Variants in IMMP2L observed in about 807,000 individuals in gnomAD.
IMMP2L encodes the protein inner mitochondrial membrane peptidase subunit 2, also known as mitochondrial inner membrane protease subunit 2.
Under a neutral mutation model 19.3 loss-of-function variants are expected in IMMP2L, and 18 were observed. The ratio of observed to expected loss-of-function variants is 0.93; its 90% CI spans 0.64 to 1.38. IMMP2L has a LOEUF of 1.38. Ranked by LOEUF, IMMP2L falls within the 40% of genes most tolerant of loss-of-function variation. IMMP2L has a pLI of 0.00. For synonymous variants in IMMP2L, 76 were observed against 73.0 expected, an observed-to-expected ratio of 1.04 and a Z score of -0.21; for missense variants, 233 against 218.2, an observed-to-expected ratio of 1.07 and a Z score of -0.43.
intron 4 of IMMP2L, among the ~76,000 whole-genome samples, chr7:110,960,952 T>C (rs182092128): frequency 3.8e-4 from 57 of 151,920 alleles, no homozygotes; most frequent in African/African-American, 1.4e-3. Context: ...ATCACTAGCC[T>C]TCAGAGAAAT....
chr7:110,670,400 C>T (rs757311275), intron 5 of IMMP2L, among the ~76,000 whole-genome samples: 46 of 152,174 alleles, frequency 3.0e-4, no homozygotes, highest in African/African-American at 9.6e-4. Flanking sequence ...ATTTAAAAAA[C>T]GCTACGCAGC....
At chr7:110,886,038 G>T (rs1053009106) in intron 5 of IMMP2L, among the ~76,000 whole-genome samples, 1 of 151,816 alleles carries the variant, frequency 6.6e-6, no homozygotes, top group Non-Finnish European at 1.5e-5. Context: ...CTTTATGAGG[G>T]CTCCTGCGCC....
intron 1 of IMMP2L, among the ~76,000 whole-genome samples, chr7:111,556,946 A>G (rs1220550134): frequency 6.6e-6 from 1 of 152,106 alleles, no homozygotes; most frequent in African/African-American, 2.4e-5. Flanking sequence ...ACACAGGTCC[A>G]AAGTTGAACT....
At chr7:110,857,832 C>T (rs1315147541) in intron 5 of IMMP2L, among the ~76,000 whole-genome samples, 1 of 151,976 alleles carries the variant, frequency 6.6e-6, no homozygotes, top group Non-Finnish European at 1.5e-5. Context: ...ATTTTGATAA[C>T]TATCAGAAAA....
chr7:111,241,673 G>A (rs1355159506), intron 3 of IMMP2L, among the ~76,000 whole-genome samples: 1 of 151,342 alleles, frequency 6.6e-6, no homozygotes, highest in Non-Finnish European at 1.5e-5. Context: ...ATATTGTGCT[G>A]TAACTTTTAT....
At chr7:110,686,605 T>G (rs1042178261) in intron 5 of IMMP2L, among the ~76,000 whole-genome samples, 3 of 152,056 alleles carry the variant, frequency 2.0e-5, no homozygotes, top group Non-Finnish European at 4.4e-5. Flanking sequence ...GGGATCTCCC[T>G]ATTGCCTGCT....
intron 3 of IMMP2L, among the ~76,000 whole-genome samples, chr7:111,188,623 G>A (rs1316854076): frequency 6.6e-6 from 1 of 152,198 alleles, no homozygotes; most frequent in Admixed American, 6.5e-5. Flanking sequence ...TCTGCTCATC[G>A]TAGTTGGATC....
At chr7:110,962,328 T>C (rs1413141019) in intron 4 of IMMP2L, 5 of 152,018 alleles carry the variant, frequency 3.3e-5, no homozygotes, top group African/African-American at 1.2e-4. Flanking sequence ...ATTTCATTTA[T>C]TGATTCAATT....
In IMMP2L at chr7:111,477,660, A is replaced by G. The variant is rs147336941; in HGVS notation, c.239+9578T>C. ...ATGCCTGTAATCTCAGCACTATGGGAGGCCGAGGCAGGCAGATCACCTGAG... is the reference window on the plus strand; with the variant it reads ...ATGCCTGTAATCTCAGCACTATGGGGGGCCGAGGCAGGCAGATCACCTGAG... On this transcript the variant is annotated intron_variant, in intron 3 of 5. Coordinates refer to ENST00000405709, the MANE Select transcript of IMMP2L (RefSeq NM_032549.4). 2.1e-3 allele frequency among the ~76,000 whole-genome samples: 320 copies of G among 152,150 alleles called. 3 individuals are homozygous for G. The highest frequency in any genetic ancestry group is 7.4e-3 in the African/African-American group (306 of 41,522).
intron 3 of IMMP2L, among the ~76,000 whole-genome samples, chr7:111,183,179 A>G (rs1807902163): frequency 6.6e-6 from 1 of 152,148 alleles, no homozygotes; most frequent in African/African-American, 2.4e-5. Flanking sequence ...GATATTTCAA[A>G]TAAGTAAGTA....
chr7:110,701,289 A>C (rs1562926046), intron 5 of IMMP2L, among the ~76,000 whole-genome samples: 1 of 152,230 alleles, frequency 6.6e-6, no homozygotes, highest in Non-Finnish European at 1.5e-5. Flanking sequence ...CCCTAATAGC[A>C]AATTACTATC....
At position 110,826,410 on chromosome 7, in the gene IMMP2L, C is replaced by T. The variant is rs1355600486; in HGVS notation, c.408+60183G>A. Among the ~76,000 whole-genome samples, 3 of 152,258 alleles carry T rather than the reference C, an allele frequency of 2.0e-5. No homozygotes were observed. In the East Asian group the frequency reaches 5.8e-4, roughly 29 times the overall value. ...CACATATGTTTGTTGTGGCACTATT[C>T]ACAATAGCAAAGACTTGGAACCAAC... On this transcript the variant is annotated intron_variant, in intron 5 of 5. Transcript: ENST00000405709.
intron 3 of IMMP2L, among the ~76,000 whole-genome samples, chr7:111,119,744 T>C (rs1800356481): frequency 6.6e-6 from 1 of 152,162 alleles, no homozygotes; most frequent in East Asian, 1.9e-4. Flanking sequence ...ACATACTACA[T>C]TATAATGATA....
intron 3 of IMMP2L, among the ~76,000 whole-genome samples, chr7:111,004,151 A>G (rs1824041186): frequency 6.6e-6 from 1 of 152,118 alleles, no homozygotes; most frequent in African/African-American, 2.4e-5. Flanking sequence ...TATACAGGTC[A>G]CATAAGCTTC....
intron 3 of IMMP2L, among the ~76,000 whole-genome samples, chr7:111,316,421 T>A (rs1359218211): frequency 1.3e-5 from 2 of 152,036 alleles, no homozygotes; most frequent in African/African-American, 4.8e-5. Context: ...AAAGTAAAAT[T>A]CTTAGTTATG....
intron 3 of IMMP2L, among the ~76,000 whole-genome samples, chr7:111,358,205 G>A (rs541101470): frequency 4.7e-5 from 7 of 149,512 alleles, no homozygotes; most frequent in Non-Finnish European, 8.9e-5. Flanking sequence ...ACTCTTTCAC[G>A]TTTCCTCACC....
intron 3 of IMMP2L, among the ~76,000 whole-genome samples, chr7:110,998,370 C>T (rs539521258): frequency 3.3e-5 from 5 of 152,214 alleles, no homozygotes; most frequent in African/African-American, 1.2e-4. Flanking sequence ...CTTGTGAGGA[C>T]CATACTTGTT....
chr7:111,005,090 A>G (rs1458768137), intron 3 of IMMP2L, among the ~76,000 whole-genome samples: 1 of 152,154 alleles, frequency 6.6e-6, no homozygotes, highest in Non-Finnish European at 1.5e-5. Context: ...ATGTGAATTT[A>G]CTGCTCCAGA....
At chr7:111,374,045 A>G (rs947664100) in intron 3 of IMMP2L, among the ~76,000 whole-genome samples, 1 of 152,022 alleles carries the variant, frequency 6.6e-6, no homozygotes, top group African/African-American at 2.4e-5. Flanking sequence ...ACTCTGCAGC[A>G]AAGACCTCAT....
Sources: gnomAD v4.1 joint callset for allele counts (sites outside exome capture counted in the v4.1 genomes callset) on GRCh38, gnomAD v4.1.1 for gene constraint, MANE v1.5 for transcripts, NCBI Gene and HGNC (gene_info 2026-07-23, HGNC 2026-07-21) for gene names.